The following RABL2A variants were observed in gnomAD, a reference collection of about 807,000 sequenced individuals.
RABL2A encodes the protein RAB, member of RAS oncogene family like 2A, also known as rab-like protein 2A.
RABL2A carries 17 observed loss-of-function variants against 30.7 expected under a neutral mutation model. The observed-to-expected ratio is 0.55, with a 90% CI of 0.38 to 0.83. The LOEUF (loss-of-function observed/expected upper bound fraction) is 0.83, where lower values mean the gene tolerates loss of function less well. Ranked by LOEUF, RABL2A falls within the 40% of genes least tolerant of loss-of-function variation. RABL2A has a pLI of 0.00. For missense variants in RABL2A, 155 were observed against 272.6 expected, an observed-to-expected ratio of 0.57 and a Z score of 3.04; for synonymous variants, 64 against 101.8, an observed-to-expected ratio of 0.63 and a Z score of 2.24.
intron 5 of RABL2A, chr2:113,637,269 C>T: frequency 1.4e-6 from 1 of 705,888 alleles, no homozygotes; most frequent in Non-Finnish European, 1.8e-6. Flanking sequence ...AGCTCACACC[C>T]CTTTATTTGA....
At chr2:113,634,469 A>G in intron 4 of RABL2A, 1 of 562,958 alleles carries the variant, frequency 1.8e-6, no homozygotes, top group South Asian at 2.1e-5. Flanking sequence ...TGTGCAGGAC[A>G]GGGTTCAGGA....
At chr2:113,629,183 A>T (rs2592682) in intron 2 of RABL2A, among the ~76,000 whole-genome samples, 1 of 152,170 alleles carries the variant, frequency 6.6e-6, no homozygotes, top group Non-Finnish European at 1.5e-5. Flanking sequence ...CGGTGCCTAC[A>T]TGCCACCTGG....
At chr2:113,638,767 T>C (rs906904936) in intron 5 of RABL2A, 21 of 183,102 alleles carry the variant, frequency 1.1e-4, no homozygotes, top group Non-Finnish European at 1.8e-4. Context: ...CTCAGGAGGC[T>C]GAGACAGGAG....
intron 5 of RABL2A, chr2:113,637,596 T>G (rs1683408940): frequency 8.3e-7 from 1 of 1,211,066 alleles, no homozygotes; most frequent in South Asian, 1.5e-5. Context: ...GACTGCCCGT[T>G]AAGAACAAAA....
chr2:113,640,825 A>G, intron 5 of RABL2A, 69 bp from the exon 6 acceptor site: 1 of 1,594,990 alleles, frequency 6.3e-7, no homozygotes, highest in South Asian at 1.1e-5. Flanking sequence ...TGGGTGTGTG[A>G]GTCACCTGGA....
In RABL2A at chr2:113,635,657, G is replaced by C. The variant is rs192957153; in HGVS notation, c.297+527G>C. Reference sequence around the variant, plus strand: ...GTGTGGTGAAGCAGTCGCTCCAACAGAAAAATGCAGCCGAGGAAACGGCTG... The same window carrying C: ...GTGTGGTGAAGCAGTCGCTCCAACACAAAAATGCAGCCGAGGAAACGGCTG... On this transcript the variant is annotated intron_variant, in intron 5 of 8. Coordinates refer to ENST00000683472, the MANE Select transcript of RABL2A (RefSeq NM_001306158.2). 3.2e-3 allele frequency: 595 copies of C among 183,694 alleles called. 5 individuals carry two copies. Among genetic ancestry groups the C allele is most frequent in the Admixed American group, 6.2e-3 (117 of 18,816 alleles). 11.4% of individuals were successfully genotyped at this position (183,694 alleles called of 1,614,324 possible). A position where few individuals can be genotyped will look rare whatever the true frequency, so the allele number is the denominator to read the frequency against.
chr2:113,639,072 C>T (rs1211104610), intron 5 of RABL2A, among the ~76,000 whole-genome samples: 4 of 152,000 alleles, frequency 2.6e-5, no homozygotes, highest in Non-Finnish European at 4.4e-5. Context: ...CACTTGAGCC[C>T]GGGAGTCCAA....
intron 5 of RABL2A, chr2:113,640,692 A>C (rs373320797): frequency 0.021 from 12,682 of 611,058 alleles, 268 homozygotes; most frequent in East Asian, 0.089. Context: ...TAAGATTTTT[A>C]AAAACATTTT....
At chr2:113,630,973 C>T (rs1009985596) in intron 2 of RABL2A, among the ~76,000 whole-genome samples, 5 of 152,130 alleles carry the variant, frequency 3.3e-5, no homozygotes, top group Non-Finnish European at 7.4e-5. Context: ...TCTCGGCTCA[C>T]TGCAACCTCC....
At chr2:113,641,253 C>T in intron 6 of RABL2A, 100 bp from the exon 7 acceptor site, 1 of 1,574,058 alleles carries the variant, frequency 6.4e-7, no homozygotes, top group South Asian at 1.1e-5. Flanking sequence ...CCCAATCATC[C>T]CTGCCTATCC....
At position 113,642,551 on chromosome 2, in the gene RABL2A, C is replaced by T. The variant is rs1459866703; in HGVS notation, c.*422C>T. 1.1e-4 allele frequency: 27 copies of T among 253,944 alleles called. No individual in the cohort carries two copies. Among genetic ancestry groups the T allele is most frequent in the Admixed American group, 6.7e-4 (13 of 19,378 alleles). The allele number at this position is 253,944 out of a possible 1,614,324, so 15.7% of individuals were successfully genotyped here. A position where few individuals can be genotyped will look rare whatever the true frequency, so the allele number is the denominator to read the frequency against. On this transcript the variant is annotated 3_prime_UTR_variant, in exon 9 of 9. Coordinates refer to ENST00000683472, the MANE Select transcript of RABL2A (RefSeq NM_001306158.2). ...TTCTCCTGAGGTAATGATTACCCCCCCACCCACAGCTGAGTCTGTGAGGCC... is the reference window on the plus strand; with the variant it reads ...TTCTCCTGAGGTAATGATTACCCCCTCACCCACAGCTGAGTCTGTGAGGCC...
intron 4 of RABL2A, 165 bp from the exon 5 acceptor site, chr2:113,634,884 ACT>A (rs1313407722): frequency 1.6e-5 from 14 of 860,402 alleles, no homozygotes; most frequent in African/African-American, 1.5e-4. Flanking sequence ...ACTCAGGTGC[ACT>A]GTGTCTTGAA....
intron 5 of RABL2A, among the ~76,000 whole-genome samples, chr2:113,638,853 C>G (rs958161208): frequency 1.3e-5 from 2 of 151,896 alleles, no homozygotes; most frequent in African/African-American, 4.8e-5. Flanking sequence ...GATACCGCCA[C>G]TGCACTCTAG....
chr2:113,641,232 A>G (rs1396327525), intron 6 of RABL2A, 121 bp from the exon 7 acceptor site: 2 of 1,526,040 alleles, frequency 1.3e-6, no homozygotes, highest in African/African-American at 2.7e-5. Flanking sequence ...AGCTCTTTCT[A>G]GGACATGTTT....
chr2:113,630,074 C>A (rs995146209), intron 2 of RABL2A, among the ~76,000 whole-genome samples: 8 of 152,178 alleles, frequency 5.3e-5, no homozygotes, highest in Non-Finnish European at 1.5e-5. Flanking sequence ...CTCCCAAGTT[C>A]AATGCTAGTC....
At chr2:113,637,390 C>T in intron 5 of RABL2A, 2 of 1,043,916 alleles carry the variant, frequency 1.9e-6, no homozygotes, top group Non-Finnish European at 2.3e-6. Context: ...CCACTGATCC[C>T]TTCCACAACA....
chr2:113,636,868 A>G (rs1221112186), intron 5 of RABL2A, among the ~76,000 whole-genome samples: 4 of 152,022 alleles, frequency 2.6e-5, no homozygotes, highest in African/African-American at 4.8e-5. Context: ...GGGCGCCTGT[A>G]GTCCCAGCTA....
chr2:113,642,653 T>C lies in RABL2A; in HGVS notation c.*524T>C, dbSNP rs1685593905. 1 of 209,442 alleles carries C rather than the reference T, an allele frequency of 4.8e-6. No homozygotes were observed. The highest frequency in any genetic ancestry group is 9.7e-6 in the Non-Finnish European group (1 of 103,214). The allele number at this position is 209,442 out of a possible 1,614,324, so 13.0% of individuals were successfully genotyped here. A position where few individuals can be genotyped will look rare whatever the true frequency, so the allele number is the denominator to read the frequency against. The stretch of plus-strand genomic sequence containing the variant: ...TCATCTGGTTTGTTTGTTTCTTTGT[T>C]CGTCCTGAGACGGAGTCTCGCTCTG... On this transcript the variant is annotated 3_prime_UTR_variant, in exon 9 of 9. Transcript: ENST00000683472.
intron 2 of RABL2A, 115 bp downstream of exon 2, chr2:113,628,828 G>C: frequency 1.5e-6 from 2 of 1,376,536 alleles, no homozygotes; most frequent in Admixed American, 4.1e-5. Context: ...GAGCAGTCTT[G>C]GCTGGAGCCC....
Sources: gnomAD v4.1 joint callset for allele counts (sites outside exome capture counted in the v4.1 genomes callset) on GRCh38, gnomAD v4.1.1 for gene constraint, MANE v1.5 for transcripts, NCBI Gene and HGNC (gene_info 2026-07-23, HGNC 2026-07-21) for gene names.